Variants in SETD5 observed in about 807,000 individuals in gnomAD.
SETD5 encodes the protein histone-lysine N-methyltransferase SETD5.
SETD5 carries 44 observed loss-of-function variants against 153.3 expected under a neutral mutation model. The observed-to-expected ratio is 0.29, with a 90% CI of 0.23 to 0.37. SETD5 has a LOEUF of 0.37. Ranked by LOEUF, SETD5 falls within the 10% of genes least tolerant of loss-of-function variation. The pLI is 1.00. For synonymous variants in SETD5, 716 were observed against 645.2 expected (o/e 1.11, Z -1.66); for missense variants, 1,544 against 1,768.0 (o/e 0.87, Z 2.27).
chr3:9,445,844 T>G, intron 13 of SETD5, 104 bp downstream of exon 13: 1 of 688,676 alleles, frequency 1.5e-6, no homozygotes, highest in Non-Finnish European at 2.2e-6. Flanking sequence ...TGATTTGACC[T>G]GAAGGTTATA....
At position 9,433,301 on chromosome 3, in the gene SETD5, T is replaced by TGG. The variant is rs1019600928; in HGVS notation, c.72-540_72-539dup. ...TATTACTCTAATATTTGAAAGGTGT[T>TGG]GGGGGTTCATCAAGATGAGAGGTAT... On this transcript the variant is annotated intron_variant, in intron 3 of 22. Transcript: ENST00000402198. The TGG allele has an allele frequency of 3.7e-6, 4 of 1,080,110 alleles. No homozygotes were observed. The African/African-American group carries it at 6.5e-5, about 18-fold the overall frequency. The allele number at this position is 1,080,110 out of a possible 1,614,324, so 66.9% of individuals were successfully genotyped here.
At position 9,411,265 on chromosome 3, in the gene SETD5, C is replaced by T. The variant is rs1477628713; in HGVS notation, c.-176-13202C>T. On this transcript the variant is annotated intron_variant, in intron 1 of 22. Coordinates refer to ENST00000402198, the MANE Select transcript of SETD5 (RefSeq NM_001080517.3). ...CAGTTAACATTTCTTGAATGGTTTG[C>T]CCTTAGACCTGAAATGTATGTTATT... is the stretch of plus-strand genomic sequence containing the variant. Among the ~76,000 whole-genome samples, 3 of 152,000 alleles carry T rather than the reference C, an allele frequency of 2.0e-5. No individual in the cohort carries two copies. The East Asian group carries it at 5.8e-4, about 29-fold the overall frequency.
At chr3:9,458,803 G>A (rs116499099) in intron 17 of SETD5, among the ~76,000 whole-genome samples, 35 of 151,948 alleles carry the variant, frequency 2.3e-4, no homozygotes, top group Non-Finnish European at 2.9e-4. Context: ...CCTAGTAGTC[G>A]TTCATTTGTT....
chr3:9,415,155 T>C (rs2037226498), intron 1 of SETD5, among the ~76,000 whole-genome samples: 1 of 152,212 alleles, frequency 6.6e-6, no homozygotes, highest in South Asian at 2.1e-4. Flanking sequence ...GAAAGCAGTT[T>C]ATACCAGTTG....
intron 17 of SETD5, among the ~76,000 whole-genome samples, chr3:9,463,889 C>T (rs1003937183): frequency 6.6e-6 from 1 of 152,166 alleles, no homozygotes; most frequent in African/African-American, 2.4e-5. Context: ...ACACTTGGGG[C>T]GTCTAAGGCG....
At chr3:9,459,524 A>C (rs1229841482) in intron 17 of SETD5, among the ~76,000 whole-genome samples, 1 of 151,770 alleles carries the variant, frequency 6.6e-6, no homozygotes, top group Non-Finnish European at 1.5e-5. Context: ...TAATCCCAGC[A>C]CTTTGGGAGG....
At chr3:9,473,909 A>G (rs2045593152) in intron 20 of SETD5, among the ~76,000 whole-genome samples, 1 of 152,246 alleles carries the variant, frequency 6.6e-6, no homozygotes, top group Admixed American at 6.5e-5. Flanking sequence ...TCTCTTCCAC[A>G]CAGCTAGCAT....
intron 17 of SETD5, 184 bp downstream of exon 17, chr3:9,454,052 A>C: frequency 1.8e-6 from 1 of 543,316 alleles, no homozygotes; most frequent in Non-Finnish European, 2.9e-6. Context: ...CAGGACGACA[A>C]AGAAGGACTA....
intron 7 of SETD5, among the ~76,000 whole-genome samples, chr3:9,438,586 GC>G (rs2040880987): frequency 6.6e-6 from 1 of 152,044 alleles, no homozygotes; most frequent in Non-Finnish European, 1.5e-5. Context: ...TAAATTTTAT[GC>G]TCAGAATTAC....
rs995630962 is a variant in SETD5, at chr3:9,434,958, C to T, written c.388+76C>T. ...ATCTGAATGTTCATTTTAAGAACCC[C>T]TCTTGGCCAGGCGCAGTGGCTTACG... On this transcript the variant is annotated intron_variant, in intron 6 of 22. Transcript: ENST00000402198. This position sits in a 1 kb window ranked among gnomAD's most constrained non-coding sequence, Gnocchi z 5.6. 4 of 1,533,926 alleles carry T rather than the reference C, an allele frequency of 2.6e-6. No homozygotes were observed. The highest frequency in any genetic ancestry group is 1.4e-5 in the African/African-American group (1 of 73,302).
chr3:9,443,607 C>A (rs2041569127), intron 11 of SETD5, among the ~76,000 whole-genome samples, 190 bp downstream of exon 11: 1 of 152,030 alleles, frequency 6.6e-6, no homozygotes, highest in African/African-American at 2.4e-5. Context: ...GATACGGATA[C>A]CTTGTATGAT....
chr3:9,464,749 A>G (rs1559475966), intron 18 of SETD5, 77 bp downstream of exon 18: 2 of 1,597,308 alleles, frequency 1.3e-6, no homozygotes, highest in Non-Finnish European at 1.7e-6. Context: ...ATATAATACC[A>G]TTCCAAATGT....
At position 9,445,710 on chromosome 3, in the gene SETD5, T is replaced by G; in HGVS notation, c.1494T>G (p.Asp498Glu). The change falls in exon 13 of 23, where the codon GAT becomes GAG. Residue 498 changes from aspartate to glutamate, a missense_variant. By Grantham distance (45) the Asp-to-Glu change is conservative. Around this residue, in one of 9 missense-constraint regions of SETD5, gnomAD observed 782 missense variants for 787.2 expected, o/e 0.99. Transcript: ENST00000402198. ...AAGAAGAGAAAGAAGAGGTTATAGA[T>G]GACCAGGAGAACCTAGCTCATAGCA... ...KPEEEKEEVIDDQENLAHSRR... is the reference protein window; with the variant it reads ...KPEEEKEEVIEDQENLAHSRR... The G allele has an allele frequency of 6.2e-7, 1 of 1,613,258 alleles. No homozygotes were observed. The highest frequency in any genetic ancestry group is 8.5e-7 in the Non-Finnish European group (1 of 1,179,556).
At chr3:9,431,693 A>C in intron 3 of SETD5, 1 of 985,780 alleles carries the variant, frequency 1.0e-6, no homozygotes, top group African/African-American at 1.7e-5. Flanking sequence ...TATACATTTT[A>C]TTTTTATTCC....
chr3:9,469,873 G>C (rs1235383325), intron 18 of SETD5, among the ~76,000 whole-genome samples: 2 of 152,184 alleles, frequency 1.3e-5, no homozygotes, highest in Non-Finnish European at 2.9e-5. Context: ...GAGAAACACA[G>C]CTTCTTTAAC....
intron 17 of SETD5, among the ~76,000 whole-genome samples, chr3:9,460,975 A>G (rs945171506): frequency 1.3e-5 from 2 of 152,198 alleles, no homozygotes; most frequent in African/African-American, 2.4e-5. Context: ...GTTTGACTAA[A>G]TAGAAACAAA....
intron 19 of SETD5, among the ~76,000 whole-genome samples, 155 bp from the exon 20 acceptor site, chr3:9,473,080 CA>C (rs71626925): frequency 6.6e-6 from 1 of 152,124 alleles, no homozygotes; most frequent in African/African-American, 2.4e-5. Context: ...TCATACTCCC[CA>C]AAAAAAGTTA....
intron 1 of SETD5, among the ~76,000 whole-genome samples, chr3:9,412,029 GTAT>G (rs1484147536): frequency 6.6e-6 from 1 of 152,114 alleles, no homozygotes; most frequent in African/African-American, 2.4e-5. Context: ...TCCTGAAATT[GTAT>G]TATTTGTTGT....
chr3:9,435,928 T>C, intron 7 of SETD5, 22 bp downstream of exon 7: 1 of 1,540,654 alleles, frequency 6.5e-7, no homozygotes, highest in East Asian at 2.4e-5. Flanking sequence ...AAAAATATCT[T>C]AAATAGAAAT....
Sources: gnomAD v4.1 joint callset for allele counts (sites outside exome capture counted in the v4.1 genomes callset) on GRCh38, gnomAD v4.1.1 for gene constraint, gnomAD v4.1.1 regional missense constraint, Gnocchi (gnomAD v3.1) non-coding constraint, MANE v1.5 for transcripts, NCBI Gene and HGNC (gene_info 2026-07-23, HGNC 2026-07-21) for gene names.